Variants in MRPS12 observed in about 807,000 individuals in gnomAD.
MRPS12 encodes small ribosomal subunit protein uS12m.
In MRPS12, 7 loss-of-function variants were observed where a neutral mutation model predicts 8.4. The observed-to-expected ratio is 0.83, with a 90% CI of 0.47 to 1.56. MRPS12 has a LOEUF of 1.56. MRPS12 is among the 40% of genes most tolerant of loss of function. The pLI, the probability that MRPS12 is intolerant of heterozygous loss-of-function variation, is 0.01. For missense variants in MRPS12, 200 were observed against 194.1 expected (o/e 1.03, Z -0.18); for synonymous variants, 84 against 84.1 (o/e 1.00, Z 0.01).
At position 38,932,629 on chromosome 19, in the gene MRPS12, C is replaced by T. The variant is rs1464737254; in HGVS notation, c.346C>T (p.Gln116Ter). Residue 116 changes from glutamine to a stop codon, truncating the protein, a stop_gained, in exon 3 of 3, where the codon CAG (glutamine) becomes TAG (stop). Coordinates refer to ENST00000308018, the MANE Select transcript of MRPS12 (RefSeq NM_033362.4). LOFTEE classifies it high-confidence loss of function. ...QIVLVEGGRT[Q>*]DLPGVKLTVV... ...TGTCCTTGTGGAGGGCGGCCGCACC[C>T]AGGACCTGCCAGGCGTCAAGCTCAC... 3.7e-6 allele frequency: 6 copies of T among 1,613,752 alleles called. No individual in the cohort carries two copies.
At position 38,932,913 on chromosome 19, in the gene MRPS12, G is replaced by A. The variant is rs1283582165; in HGVS notation, c.*213G>A. On this transcript the variant is annotated 3_prime_UTR_variant, in exon 3 of 3. Transcript: ENST00000308018. ...CCCTCTGTCAACACCCTTGGCTCCT[G>A]TGTTTAGAGGGGTGGCCTGAAGGAC... is the stretch of plus-strand genomic sequence containing the variant. 6.1e-6 allele frequency: 4 copies of A among 650,720 alleles called. No individual in the cohort carries two copies. Among genetic ancestry groups the A allele is most frequent in the Non-Finnish European group, 1.0e-5 (4 of 392,176 alleles). The allele number at this position is 650,720 out of a possible 1,614,324, so 40.3% of individuals were successfully genotyped here.
Position 38,931,359 on chromosome 19 carries a change from G to T in MRPS12, c.49+16G>T. The T allele has an allele frequency of 6.3e-7, 1 of 1,580,448 alleles. No individual in the cohort carries two copies. The highest frequency in any genetic ancestry group is 8.6e-7 in the Non-Finnish European group (1 of 1,163,684). ...CTAACTTGTGGTAAGTGGGGGACTT[G>T]GGCTTCAGGGACGAGGCTAGAGGGG... On this transcript the variant is annotated intron_variant, in intron 2 of 2. Transcript: ENST00000308018.
In MRPS12 at chr19:38,932,694, G is replaced by A. The variant is rs1974784691; in HGVS notation, c.411G>A (p.Lys137=). 6.2e-7 allele frequency: 1 copy of A among 1,612,566 alleles called. No individual in the cohort carries two copies. The part of the protein sequence containing the change: ...RGKYDCGHVQ[K]K The stretch of plus-strand genomic sequence containing the variant: ...AGTACGACTGTGGCCACGTGCAGAA[G>A]AAGTGACGGCTGGGGGCACAGTGGG... The change falls in exon 3 of 3, where the codon AAG becomes AAA. Residue 137 remains lysine, a synonymous_variant. Coordinates refer to ENST00000308018, the MANE Select transcript of MRPS12 (RefSeq NM_033362.4).
chr19:38,931,194 G>A (rs1443923093), intron 1 of MRPS12, 82 bp from the exon 2 acceptor site: 7 of 1,111,790 alleles, frequency 6.3e-6, no homozygotes, highest in Non-Finnish European at 9.1e-6. Flanking sequence ...ATTTAAGCCA[G>A]AAAGTCCTGA....
Position 38,931,310 on chromosome 19 carries a change from C to T in MRPS12, c.16C>T (p.Leu6Phe). The change falls in exon 2 of 3, where the codon CTT becomes TTT. Residue 6 changes from leucine (L) to phenylalanine (F), a missense_variant. Leu to Phe is a conservative substitution (Grantham distance 22, BLOSUM62 0). Coordinates refer to ENST00000308018, the MANE Select transcript of MRPS12 (RefSeq NM_033362.4). ...AGGTGGCAGGATGTCCTGGTCTGGC[C>T]TTCTCCATGGCCTCAACACGTCCCT... is the stretch of plus-strand genomic sequence containing the variant. MSWSG[L>F]LHGLNTSLTC... The T allele has an allele frequency of 1.2e-6, 2 of 1,605,586 alleles. No individual in the cohort carries two copies. The highest frequency in any genetic ancestry group is 1.7e-6 in the Non-Finnish European group (2 of 1,176,490).
intron 2 of MRPS12, among the ~76,000 whole-genome samples, 198 bp from the exon 3 acceptor site, chr19:38,932,135 C>CAAA (rs1291386606): frequency 1.7e-5 from 1 of 59,210 alleles, no homozygotes; most frequent in Non-Finnish European, 3.9e-5. Flanking sequence ...GACTTTGTCT[C>CAAA]AAAAAAAAAA....
intron 2 of MRPS12, 70 bp from the exon 3 acceptor site, chr19:38,932,263 C>T: frequency 6.8e-7 from 1 of 1,471,054 alleles, no homozygotes; most frequent in South Asian, 1.4e-5. Flanking sequence ...ATGCCTAAAA[C>T]ACCAAAATTG....
Position 38,932,737 on chromosome 19 carries a change from A to T in MRPS12, c.*37A>T. ...ACAGTGGGCTGGGCGCCCCTGCAGAACATGAACCTTCCGCTCCTGGCTGCC... is the reference window on the plus strand; with the variant it reads ...ACAGTGGGCTGGGCGCCCCTGCAGATCATGAACCTTCCGCTCCTGGCTGCC... On this transcript the variant is annotated 3_prime_UTR_variant, in exon 3 of 3. Coordinates refer to ENST00000308018, the MANE Select transcript of MRPS12 (RefSeq NM_033362.4). The T allele has an allele frequency of 1.3e-6, 2 of 1,596,440 alleles. No individual in the cohort carries two copies. Among genetic ancestry groups the T allele is most frequent in the Non-Finnish European group, 1.7e-6 (2 of 1,172,618 alleles).
chr19:38,932,943 T>C lies in MRPS12; in HGVS notation c.*243T>C. 4 of 559,116 alleles carry C rather than the reference T, an allele frequency of 7.2e-6. No individual in the cohort carries two copies. Among genetic ancestry groups the C allele is most frequent in the Non-Finnish European group, 9.4e-6 (3 of 317,914 alleles). The allele number at this position is 559,116 out of a possible 1,614,324, so 34.6% of individuals were successfully genotyped here. A position where few individuals can be genotyped will look rare whatever the true frequency, so the allele number is the denominator to read the frequency against. On this transcript the variant is annotated 3_prime_UTR_variant, in exon 3 of 3. Transcript: ENST00000308018. Reference sequence around the variant, plus strand: ...TAGAGGGGTGGCCTGAAGGACCTTTTCTGCTGGGACAAGACACTGTACTGC... The same window carrying C: ...TAGAGGGGTGGCCTGAAGGACCTTTCCTGCTGGGACAAGACACTGTACTGC...
At position 38,932,315 on chromosome 19, in the gene MRPS12, C is replaced by G; in HGVS notation, c.50-18C>G. The G allele has an allele frequency of 6.6e-7, 1 of 1,507,138 alleles. No individual in the cohort carries two copies. The highest frequency in any genetic ancestry group is 8.8e-7 in the Non-Finnish European group (1 of 1,129,996). 93.4% of individuals were successfully genotyped at this position (1,507,138 alleles called of 1,614,324 possible). A position where few individuals can be genotyped will look rare whatever the true frequency, so the allele number is the denominator to read the frequency against. On this transcript the variant is annotated intron_variant, in intron 2 of 2. Coordinates refer to ENST00000308018, the MANE Select transcript of MRPS12 (RefSeq NM_033362.4). Reference sequence around the variant, plus strand: ...AGATCTGTTCTCTGGGATAATAACCCCTTTCGGCCCTCTCCAGGCCCAGCT... The same window carrying G: ...AGATCTGTTCTCTGGGATAATAACCGCTTTCGGCCCTCTCCAGGCCCAGCT...
Position 38,932,148 on chromosome 19 carries a change from GAAAAAA to G in MRPS12, c.50-176_50-171del, listed in dbSNP as rs369390554. On this transcript the variant is annotated intron_variant, in intron 2 of 2. Transcript: ENST00000308018. Reference sequence around the variant, plus strand: ...GAGACTTTGTCTCAAAAAAAAAAAAGAAAAAAAAAAAAAAGGTAATGCTTCCTTGAA... The same window carrying G: ...GAGACTTTGTCTCAAAAAAAAAAAAGAAAAAAAAGGTAATGCTTCCTTGAA... Among the ~76,000 whole-genome samples the G allele has an allele frequency of 9.9e-5, 11 of 111,328 alleles. No homozygotes were observed. The South Asian group carries it at 3.1e-3, about 31-fold the overall frequency. 73.0% of individuals were successfully genotyped at this position (111,328 alleles called of 152,430 possible). A position where few individuals can be genotyped will look rare whatever the true frequency, so the allele number is the denominator to read the frequency against.
In MRPS12 at chr19:38,932,865, A is replaced by G; in HGVS notation, c.*165A>G. On this transcript the variant is annotated 3_prime_UTR_variant, in exon 3 of 3. Coordinates refer to ENST00000308018, the MANE Select transcript of MRPS12 (RefSeq NM_033362.4). ...ATCAGGACCACTATTAAGCCATAGG[A>G]GTCCTGGGGGTGCAAAGGGTGCCCC... 1 of 1,024,584 alleles carries G rather than the reference A, an allele frequency of 9.8e-7. No individual in the cohort carries two copies. Among genetic ancestry groups the G allele is most frequent in the Non-Finnish European group, 1.4e-6 (1 of 723,488 alleles). 63.5% of individuals were successfully genotyped at this position (1,024,584 alleles called of 1,614,324 possible). A position where few individuals can be genotyped will look rare whatever the true frequency, so the allele number is the denominator to read the frequency against.
rs775062922 is a variant in MRPS12 at position 38,932,369 on chromosome 19, C to G, written c.86C>G (p.Ser29Cys). Residue 29 changes from serine to cysteine, a missense_variant, in exon 3 of 3, where the codon TCC (serine) becomes TGC (cysteine). Ser to Cys is a moderately radical substitution (Grantham distance 112). Transcript: ENST00000308018. ...ALVPRLWATC[S>C]MATLNQMHRL... Reference sequence around the variant, plus strand: ...GTTCCCCGGCTCTGGGCTACCTGCTCCATGGCTACCCTGAACCAGATGCAC... The same window carrying G: ...GTTCCCCGGCTCTGGGCTACCTGCTGCATGGCTACCCTGAACCAGATGCAC... The G allele has an allele frequency of 9.6e-6, 15 of 1,567,538 alleles. No individual in the cohort carries two copies. The highest frequency in any genetic ancestry group is 1.4e-5 in the African/African-American group (1 of 73,496).
In MRPS12 at chr19:38,931,180, T is replaced by G. The variant is rs2304116; in HGVS notation, c.-19-96T>G. 0.016 allele frequency: 15,269 copies of G among 981,632 alleles called. 1,125 individuals are homozygous for G. In the African/African-American group the frequency reaches 0.19, roughly 12 times the overall value. 60.8% of individuals were successfully genotyped at this position (981,632 alleles called of 1,614,324 possible). A position where few individuals can be genotyped will look rare whatever the true frequency, so the allele number is the denominator to read the frequency against. On this transcript the variant is annotated intron_variant, in intron 1 of 2. Transcript: ENST00000308018. Reference sequence around the variant, plus strand: ...TGGTTAGACCTATAGAGGTATTTCCTTTGATTTAAGCCAGAAAGTCCTGAG... The same window carrying G: ...TGGTTAGACCTATAGAGGTATTTCCGTTGATTTAAGCCAGAAAGTCCTGAG...
Position 38,930,957 on chromosome 19 carries a change from T to A in MRPS12, c.-61T>A, listed in dbSNP as rs1974735063. 1.1e-5 allele frequency: 7 copies of A among 628,346 alleles called. No individual in the cohort carries two copies. In the East Asian group the frequency reaches 1.9e-4, roughly 17 times the overall value. The allele number at this position is 628,346 out of a possible 1,614,324, so 38.9% of individuals were successfully genotyped here. On this transcript the variant is annotated 5_prime_UTR_variant, in exon 1 of 3. Coordinates refer to ENST00000308018, the MANE Select transcript of MRPS12 (RefSeq NM_033362.4). Reference sequence around the variant, plus strand: ...ATAGCGCCCGGAAGAGGCTAGAAGCTGGATTCAGCGTGTCCGCGACCTCAC... The same window carrying A: ...ATAGCGCCCGGAAGAGGCTAGAAGCAGGATTCAGCGTGTCCGCGACCTCAC...
rs202014859 is a variant in MRPS12, at chr19:38,932,626, A to G, written c.343A>G (p.Thr115Ala). 6 of 1,613,668 alleles carry G rather than the reference A, an allele frequency of 3.7e-6. No individual in the cohort carries two copies. Among genetic ancestry groups the G allele is most frequent in the Non-Finnish European group, 2.5e-6 (3 of 1,179,996 alleles). Residue 115 changes from threonine (T) to alanine (A), a missense_variant, in exon 3 of 3, where the codon ACC (threonine) becomes GCC (alanine). By Grantham distance (58) the Thr-to-Ala change is moderately conservative (BLOSUM62 0). Transcript: ENST00000308018. The stretch of plus-strand genomic sequence containing the variant: ...GATTGTCCTTGTGGAGGGCGGCCGC[A>G]CCCAGGACCTGCCAGGCGTCAAGCT... The part of the protein sequence containing the change: ...HQIVLVEGGR[T>A]QDLPGVKLTV...
chr19:38,932,315 C>T lies in MRPS12; in HGVS notation c.50-18C>T, dbSNP rs767837671. Reference sequence around the variant, plus strand: ...AGATCTGTTCTCTGGGATAATAACCCCTTTCGGCCCTCTCCAGGCCCAGCT... The same window carrying T: ...AGATCTGTTCTCTGGGATAATAACCTCTTTCGGCCCTCTCCAGGCCCAGCT... On this transcript the variant is annotated intron_variant, in intron 2 of 2. Coordinates refer to ENST00000308018, the MANE Select transcript of MRPS12 (RefSeq NM_033362.4). 3.3e-6 allele frequency: 5 copies of T among 1,507,020 alleles called. No individual in the cohort carries two copies. In the South Asian group the frequency reaches 4.0e-5, roughly 12 times the overall value. The allele number at this position is 1,507,020 out of a possible 1,614,324, so 93.4% of individuals were successfully genotyped here.
chr19:38,932,727 C>T lies in MRPS12; in HGVS notation c.*27C>T, dbSNP rs1416732434. 1.2e-6 allele frequency: 2 copies of T among 1,605,680 alleles called. No homozygotes were observed. Among genetic ancestry groups the T allele is most frequent in the Non-Finnish European group, 8.5e-7 (1 of 1,177,994 alleles). On this transcript the variant is annotated 3_prime_UTR_variant, in exon 3 of 3. Coordinates refer to ENST00000308018, the MANE Select transcript of MRPS12 (RefSeq NM_033362.4). ...GGCTGGGGGCACAGTGGGCTGGGCG[C>T]CCCTGCAGAACATGAACCTTCCGCT...
chr19:38,932,573 G>C lies in MRPS12; in HGVS notation c.290G>C (p.Gly97Ala). The C allele has an allele frequency of 1.2e-6, 2 of 1,613,542 alleles. No individual in the cohort carries two copies. Among genetic ancestry groups the C allele is most frequent in the Non-Finnish European group, 1.7e-6 (2 of 1,179,818 alleles). ...CGCGAGGCCGTCTGCTTCATCCCTG[G>C]GGAGGGCCACACCCTGCAGGAGCAC... ...TGREAVCFIP[G>A]EGHTLQEHQI... The change falls in exon 3 of 3, where the codon GGG becomes GCG. Residue 97 changes from glycine (G) to alanine (A), a missense_variant. Physicochemically the swap from Gly to Ala is moderately conservative, Grantham distance 60 (BLOSUM62 0). Transcript: ENST00000308018.
Sources: allele counts gnomAD v4.1 joint callset (sites outside exome capture counted in the v4.1 genomes callset), GRCh38; gene constraint gnomAD v4.1.1; transcripts MANE v1.5; gene names NCBI Gene and HGNC (gene_info 2026-07-23, HGNC 2026-07-21).